Variants in CSTL1 observed in about 807,000 individuals in gnomAD.
The protein encoded by CSTL1 is cystatin like 1.
A neutral mutation model predicts 14.4 loss-of-function variants in CSTL1; 14 were observed. The ratio of observed to expected loss-of-function variants is 0.97; its 90% confidence interval spans 0.64 to 1.52. The LOEUF is 1.52. Ranked by LOEUF, CSTL1 falls within the 40% of genes most tolerant of loss-of-function variation. The pLI is 0.00. For missense variants in CSTL1, 170 were observed against 168.7 expected (o/e 1.01, Z -0.04); for synonymous variants, 72 against 67.5 (o/e 1.07, Z -0.33).
At chr20:23,448,140 G>A (rs901564468), downstream of CSTL1, among the ~76,000 whole-genome samples, 7 of 152,100 alleles carry the variant, frequency 4.6e-5, no homozygotes, top group Non-Finnish European at 8.8e-5. Flanking sequence ...CCTCTCACCT[G>A]AGCAGTGCAC....
intron 1 of CSTL1, 23 bp from the exon 2 acceptor site, chr20:23,440,121 T>A: frequency 1.4e-6 from 1 of 719,862 alleles, no homozygotes; most frequent in Non-Finnish European, 2.4e-6. Context: ...AAGGTTCAGG[T>A]CTGAATCTCT....
At chr20:23,456,470 G>A in the CSTL1 span, among the ~76,000 whole-genome samples, 205 of 152,202 alleles carry the variant, frequency 1.3e-3, no homozygotes, top group African/African-American at 4.6e-3. Context: ...GGAAGATGTA[G>A]AGGACTGGAA....
the CSTL1 span, chr20:23,451,991 G>T: frequency 3.4e-6 from 4 of 1,176,338 alleles, no homozygotes; most frequent in Non-Finnish European, 5.1e-6. Context: ...TGTGCCTGGG[G>T]GCTCCGCTAC....
In CSTL1 at chr20:23,440,435, C is replaced by A. The variant is rs767702191; in HGVS notation, c.168C>A (p.Ser56Arg). The change falls in exon 2 of 4, where the codon AGC (serine) becomes AGA (arginine). Residue 56 changes from serine to arginine, a missense_variant. Transcript: ENST00000347397. ...NFFIQSYNNA[S>R]NDTYLYRVQR... ...TCATTCAATCCTACAACAATGCCAGCAACGACACCTACTTATATCGAGTCC... is the reference window on the plus strand; with the variant it reads ...TCATTCAATCCTACAACAATGCCAGAAACGACACCTACTTATATCGAGTCC... 31 of 1,614,036 alleles carry A rather than the reference C, an allele frequency of 1.9e-5. No homozygotes were observed. The highest frequency in any genetic ancestry group is 2.5e-5 in the Non-Finnish European group (30 of 1,180,002).
the CSTL1 span, among the ~76,000 whole-genome samples, chr20:23,456,418 C>T: frequency 4.6e-5 from 7 of 152,164 alleles, no homozygotes; most frequent in African/African-American, 1.7e-4. Flanking sequence ...ATCTCACCAG[C>T]CATGGTTTTT....
downstream of CSTL1, chr20:23,445,040 G>A (rs1986937708): frequency 4.6e-6 from 3 of 647,044 alleles, no homozygotes; most frequent in Non-Finnish European, 8.4e-6. Context: ...CACACACAAT[G>A]CTCATACTCA....
Position 23,439,822 on chromosome 20 carries a change from C to A in CSTL1, c.-125+16C>A. 1 of 182,746 alleles carries A rather than the reference C, an allele frequency of 5.5e-6. No homozygotes were observed. Among genetic ancestry groups the A allele is most frequent in the Non-Finnish European group, 1.2e-5 (1 of 85,276 alleles). The allele number at this position is 182,746 out of a possible 1,614,324, so 11.3% of individuals were successfully genotyped here. The stretch of plus-strand genomic sequence containing the variant: ...CCCAAGGAAGGTAAGAATAATGTAC[C>A]ACTCCTTGCTCCATATGACTGCTTC... On this transcript the variant is annotated intron_variant, in intron 1 of 3. Coordinates refer to ENST00000347397, the MANE Select transcript of CSTL1 (RefSeq NM_138283.1).
chr20:23,444,985 A>G, downstream of CSTL1: 2 of 757,432 alleles, frequency 2.6e-6, no homozygotes, highest in Non-Finnish European at 4.7e-6. Context: ...GCACACACAG[A>G]GTGTACACGT....
At chr20:23,445,231 CTTTTTTTT>C (rs11478198), downstream of CSTL1, among the ~76,000 whole-genome samples, 1 of 134,174 alleles carries the variant, frequency 7.5e-6, no homozygotes, top group Non-Finnish European at 1.6e-5. Flanking sequence ...TTCTTTCTTT[CTTTTTTTT>C]TTTTTTTTTT....
the CSTL1 span, chr20:23,451,958 C>A: frequency 6.7e-7 from 1 of 1,497,262 alleles, no homozygotes; most frequent in South Asian, 1.1e-5. Flanking sequence ...CAGCTTGTCC[C>A]CTTCTCCCCT....
At chr20:23,459,968 G>C in the CSTL1 span, among the ~76,000 whole-genome samples, 1 of 152,194 alleles carries the variant, frequency 6.6e-6, no homozygotes, top group Admixed American at 6.5e-5. Flanking sequence ...CTGGTTCCCA[G>C]TGGTTTAGCA....
chr20:23,448,512 T>C (rs1987010720), downstream of CSTL1, among the ~76,000 whole-genome samples: 1 of 152,172 alleles, frequency 6.6e-6, no homozygotes, highest in Admixed American at 6.5e-5. Context: ...TATTTTTCTG[T>C]GATGTGATAA....
chr20:23,447,600 G>A (rs1180027277), downstream of CSTL1, among the ~76,000 whole-genome samples: 2 of 151,934 alleles, frequency 1.3e-5, no homozygotes, highest in Non-Finnish European at 2.9e-5. Context: ...TGGGATTACA[G>A]GTGCCTGCCA....
At chr20:23,443,142 C>T (rs1295739605) in intron 2 of CSTL1, among the ~76,000 whole-genome samples, 1 of 152,118 alleles carries the variant, frequency 6.6e-6, no homozygotes, top group Non-Finnish European at 1.5e-5. Context: ...CTCCTCATTT[C>T]CTAGATGAGG....
intron 2 of CSTL1, among the ~76,000 whole-genome samples, chr20:23,442,769 A>G (rs762463959): frequency 1.2e-4 from 18 of 152,150 alleles, no homozygotes; most frequent in Non-Finnish European, 2.5e-4. Context: ...TCACCACCCC[A>G]GAGATGACCA....
At chr20:23,442,525 T>A (rs1219836730) in intron 2 of CSTL1, 1 of 152,266 alleles carries the variant, frequency 6.6e-6, no homozygotes, top group African/African-American at 2.4e-5. Context: ...CACACTGGAA[T>A]GTCAGTTACA....
downstream of CSTL1, among the ~76,000 whole-genome samples, chr20:23,445,250 GA>G (rs1986944134): frequency 2.0e-5 from 1 of 50,364 alleles, no homozygotes; most frequent in African/African-American, 7.6e-5. Context: ...TTTTTTTTTT[GA>G]GACACAGTCT....
intron 1 of CSTL1, 140 bp from the exon 2 acceptor site, chr20:23,440,004 C>A (rs1204948623): frequency 2.1e-6 from 1 of 476,980 alleles, no homozygotes; most frequent in Admixed American, 3.3e-5. Flanking sequence ...GGGAGAGGGG[C>A]TTGCACGCCT....
the CSTL1 span, among the ~76,000 whole-genome samples, chr20:23,454,408 C>A: frequency 6.6e-6 from 1 of 151,846 alleles, no homozygotes; most frequent in African/African-American, 2.4e-5. Context: ...AGACACACCC[C>A]CCCACGCATA....
Sources: gnomAD v4.1 joint callset for allele counts (sites outside exome capture counted in the v4.1 genomes callset) on GRCh38, gnomAD v4.1.1 for gene constraint, MANE v1.5 for transcripts, NCBI Gene and HGNC (gene_info 2026-07-23, HGNC 2026-07-21) for gene names.